Variants in RBFOX1 observed in about 807,000 individuals in gnomAD.
RBFOX1 encodes the protein RNA binding fox-1 homolog 1.
RBFOX1 carries 8 observed loss-of-function variants against 57.7 expected under a neutral mutation model. That is an observed-to-expected ratio of 0.14 (90% confidence interval 0.08 to 0.25). RBFOX1 has a LOEUF of 0.25. RBFOX1 is among the 10% of genes least tolerant of loss of function. The pLI, the probability that RBFOX1 is intolerant of heterozygous loss-of-function variation, is 1.00. For missense variants in RBFOX1, 611 were observed against 548.5 expected (o/e 1.11, Z -1.14); for synonymous variants, 326 against 222.4 (o/e 1.47, Z -4.15).
intron 4 of RBFOX1, among the ~76,000 whole-genome samples, chr16:5,907,809 G>A (rs1168941668): frequency 6.6e-6 from 1 of 151,472 alleles, no homozygotes; most frequent in Non-Finnish European, 1.5e-5. Flanking sequence ...GGAGTGTAGT[G>A]GTATGATCTC....
chr16:6,443,445 T>G (rs1040225207), intron 2 of RBFOX1, among the ~76,000 whole-genome samples: 2 of 152,214 alleles, frequency 1.3e-5, no homozygotes, highest in African/African-American at 4.8e-5. Flanking sequence ...TTGCATTGTT[T>G]TGATTTCTCC....
rs1022404015 is a variant in RBFOX1, at chr16:5,797,321, AGT to A, written c.319-69975_319-69974del. 7.6e-4 allele frequency among the ~76,000 whole-genome samples: 116 copies of A among 152,332 alleles called. 1 individual carries two copies. The highest frequency in any genetic ancestry group is 2.6e-3 in the African/African-American group (109 of 41,586). On this transcript the variant is annotated intron_variant, in intron 3 of 19. Coordinates refer to the RBFOX1 transcript ENST00000641259. ...CTTTGGGGTAGGCAGTTTTAGCCTAAGTGTGTGTCCACACCCACTTCTTGGGA... is the reference window on the plus strand; with the variant it reads ...CTTTGGGGTAGGCAGTTTTAGCCTAAGTGTGTCCACACCCACTTCTTGGGA...
intron 1 of RBFOX1, among the ~76,000 whole-genome samples, chr16:5,414,678 A>G (rs1255160280): frequency 1.3e-5 from 2 of 152,184 alleles, no homozygotes; most frequent in African/African-American, 4.8e-5. Flanking sequence ...TAGTGTCTCC[A>G]GGCTTCGGAT....
chr16:6,772,253 C>T (rs754039123), intron 3 of RBFOX1, among the ~76,000 whole-genome samples: 10 of 152,106 alleles, frequency 6.6e-5, no homozygotes, highest in Admixed American at 1.3e-4. Flanking sequence ...ATTTTATATA[C>T]AACTGCAGGT....
At chr16:7,655,004 G>A (rs781240821) in intron 12 of RBFOX1, among the ~76,000 whole-genome samples, 15 of 152,168 alleles carry the variant, frequency 9.9e-5, no homozygotes, top group Non-Finnish European at 1.8e-4. Flanking sequence ...CCAGTGACTG[G>A]CTTTCTGGTG....
intron 3 of RBFOX1, among the ~76,000 whole-genome samples, chr16:7,005,659 A>C (rs2153643158): frequency 6.6e-6 from 1 of 152,282 alleles, no homozygotes; most frequent in Middle Eastern, 3.4e-3. Context: ...GAACACAAAC[A>C]ATTTCATAGA....
chr16:6,622,552 C>G (rs146627066), intron 2 of RBFOX1, among the ~76,000 whole-genome samples: 4 of 152,148 alleles, frequency 2.6e-5, no homozygotes, highest in African/African-American at 4.8e-5. Context: ...GATGAAATCA[C>G]CTAACGATGC....
chr16:5,395,128 G>A (rs369177522), intron 1 of RBFOX1, among the ~76,000 whole-genome samples: 418 of 152,274 alleles, frequency 2.7e-3, no homozygotes, highest in Middle Eastern at 0.017. Flanking sequence ...TCAGCCACAG[G>A]GAACTACCTG....
At chr16:6,414,573 T>C (rs879579746) in intron 2 of RBFOX1, among the ~76,000 whole-genome samples, 4 of 152,142 alleles carry the variant, frequency 2.6e-5, no homozygotes, top group Admixed American at 2.0e-4. Context: ...ACTGTGTAAG[T>C]TCGTTAAGCA....
intron 3 of RBFOX1, among the ~76,000 whole-genome samples, chr16:7,040,364 G>C (rs928808307): frequency 9.9e-5 from 15 of 152,050 alleles, no homozygotes; most frequent in African/African-American, 3.1e-4. Context: ...CTATGTGCCA[G>C]GCCAGATTTG....
intron 3 of RBFOX1, among the ~76,000 whole-genome samples, chr16:5,642,197 A>G (rs573938477): frequency 2.0e-5 from 3 of 152,282 alleles, no homozygotes; most frequent in South Asian, 4.1e-4. Context: ...TGATCCCTTC[A>G]CTGCCCAAGC....
intron 2 of RBFOX1, among the ~76,000 whole-genome samples, chr16:5,499,018 G>T (rs2043099799): frequency 6.6e-6 from 1 of 152,158 alleles, no homozygotes; most frequent in Non-Finnish European, 1.5e-5. Context: ...TCTGGCTTAT[G>T]GGTCTCCAGC....
intron 3 of RBFOX1, among the ~76,000 whole-genome samples, chr16:5,614,929 C>T (rs1234240615): frequency 2.6e-5 from 4 of 152,146 alleles, no homozygotes; most frequent in Non-Finnish European, 5.9e-5. Flanking sequence ...GGTCCATGAG[C>T]TGTGAGAGGT....
intron 4 of RBFOX1, among the ~76,000 whole-genome samples, chr16:5,929,147 G>A (rs1006547440): frequency 2.8e-4 from 43 of 152,252 alleles, no homozygotes; most frequent in Non-Finnish European, 3.2e-4. Flanking sequence ...GGATCCAGGG[G>A]CAGTAGTCTT....
At chr16:6,041,678 G>C (rs1442572540) in intron 1 of RBFOX1, among the ~76,000 whole-genome samples, 1 of 152,108 alleles carries the variant, frequency 6.6e-6, no homozygotes, top group Admixed American at 6.5e-5. Context: ...TTCCCTTTTA[G>C]TGTAAGGGGA....
intron 3 of RBFOX1, among the ~76,000 whole-genome samples, chr16:6,790,748 C>A (rs186650065): frequency 2.0e-5 from 3 of 152,178 alleles, no homozygotes; most frequent in East Asian, 3.9e-4. Flanking sequence ...TGTCTCTAGA[C>A]CCTCCTTATT....
intron 3 of RBFOX1, among the ~76,000 whole-genome samples, chr16:6,821,361 C>T (rs190013654): frequency 7.2e-5 from 11 of 152,292 alleles, no homozygotes; most frequent in African/African-American, 2.4e-4. Context: ...CTAGTCTAGT[C>T]TTTGATACTG....
At chr16:5,522,054 A>G (rs925047504) in intron 2 of RBFOX1, among the ~76,000 whole-genome samples, 4 of 152,196 alleles carry the variant, frequency 2.6e-5, no homozygotes, top group African/African-American at 9.7e-5. Flanking sequence ...GGTTCTGGAA[A>G]TGTTTCTTGA....
At chr16:6,136,339 T>C (rs2096667295) in intron 1 of RBFOX1, among the ~76,000 whole-genome samples, 1 of 152,096 alleles carries the variant, frequency 6.6e-6, no homozygotes, top group Non-Finnish European at 1.5e-5. Flanking sequence ...CAAGGCACCC[T>C]GTAATCGCAG....
Sources: allele counts gnomAD v4.1 joint callset (sites outside exome capture counted in the v4.1 genomes callset), GRCh38; gene constraint gnomAD v4.1.1; transcripts MANE v1.5; gene names NCBI Gene and HGNC (gene_info 2026-07-23, HGNC 2026-07-21).